The following SLX4 variants were observed in gnomAD, a reference collection of about 807,000 sequenced individuals.
SLX4 encodes the protein SLX4 structure-specific endonuclease subunit.
Under a neutral mutation model 146.2 loss-of-function variants are expected in SLX4, and 112 were observed. The observed-to-expected ratio is 0.77, with a 90% CI of 0.66 to 0.90. SLX4 has a LOEUF of 0.90. Ranked by LOEUF, SLX4 falls within the 40% of genes least tolerant of loss-of-function variation. The pLI is 0.00. For synonymous variants in SLX4, 1,061 were observed against 997.7 expected, an observed-to-expected ratio of 1.06 and a Z score of -1.20; for missense variants, 2,563 against 2,392.7, an observed-to-expected ratio of 1.07 and a Z score of -1.49.
chr16:3,595,919 C>A (rs1336762032), intron 8 of SLX4, among the ~76,000 whole-genome samples: 2 of 152,224 alleles, frequency 1.3e-5, no homozygotes, highest in Non-Finnish European at 2.9e-5. Flanking sequence ...AGGATTCACT[C>A]GCTGTGGGCA....
chr16:3,590,040 C>G lies in SLX4; in HGVS notation c.3598G>C (p.Asp1200His). 1 of 1,614,150 alleles carries G rather than the reference C, an allele frequency of 6.2e-7. No individual in the cohort carries two copies. The highest frequency in any genetic ancestry group is 1.1e-5 in the South Asian group (1 of 91,080). Residue 1200 changes from aspartate to histidine, a missense_variant, in exon 12 of 15, where the codon GAT becomes CAT. Asp to His is a moderately conservative substitution (Grantham distance 81). Coordinates refer to ENST00000294008, the MANE Select transcript of SLX4 (RefSeq NM_032444.4). This position sits in a 1 kb window ranked among gnomAD's most constrained non-coding sequence, Gnocchi z 4.8. ...GGTGGGCTCTGGGAAGGTTCCTGATCTGCATCAACATCAATGATGGAAAAC... is the reference window on the plus strand; with the variant it reads ...GGTGGGCTCTGGGAAGGTTCCTGATGTGCATCAACATCAATGATGGAAAAC... ...ELFSIIDVDA[D>H]QEPSQSPPRS...
Position 3,586,690 on chromosome 16 carries a change from C to T in SLX4, c.4637-1819G>A, listed in dbSNP as rs371341754. Among the ~76,000 whole-genome samples, 65 of 151,820 alleles carry T rather than the reference C, an allele frequency of 4.3e-4. 2 individuals are homozygous for T. The South Asian group carries it at 0.013, about 30-fold the overall frequency. ...TAGCCGGGCATGGCATGGCGATGGG[C>T]GCTTGTAATCCCAGCTACTCGGGAG... On this transcript the variant is annotated intron_variant, in intron 12 of 14. Transcript: ENST00000294008.
At chr16:3,587,052 T>C (rs2151119479) in intron 12 of SLX4, among the ~76,000 whole-genome samples, 1 of 152,244 alleles carries the variant, frequency 6.6e-6, no homozygotes, top group African/African-American at 2.4e-5. Context: ...TGCTCATGGG[T>C]ACAGGATTTT....
rs770736311 is a variant in SLX4, at chr16:3,590,647, C to T, written c.2991G>A (p.Pro997=). 19 of 1,614,056 alleles carry T rather than the reference C, an allele frequency of 1.2e-5. No homozygotes were observed. The African/African-American group carries it at 1.6e-4, about 14-fold the overall frequency. Residue 997 remains proline, a synonymous_variant, in exon 12 of 15, where the codon CCG becomes CCA. Transcript: ENST00000294008. This position sits in a 1 kb window ranked among gnomAD's most constrained non-coding sequence, Gnocchi z 4.8. The stretch of plus-strand genomic sequence containing the variant: ...CCTCGGGCTCACTTGTTATTTGGGA[C>T]GGCTCTGAGATCTCTCCCTGAGTTG... ...FSSTQGEISE[P]SQITSEPEEQ...
At chr16:3,598,227 T>C (rs1477640334) in intron 5 of SLX4, among the ~76,000 whole-genome samples, 1 of 152,240 alleles carries the variant, frequency 6.6e-6, no homozygotes, top group Non-Finnish European at 1.5e-5. Flanking sequence ...CACGTGCTGC[T>C]GTCCAGCAGG....
At position 3,589,656 on chromosome 16, in the gene SLX4, C is replaced by A. The variant is rs1394177026; in HGVS notation, c.3982G>T (p.Val1328Phe). 6.2e-7 allele frequency: 1 copy of A among 1,613,960 alleles called. No homozygotes were observed. The highest frequency in any genetic ancestry group is 8.5e-7 in the Non-Finnish European group (1 of 1,180,018). ...PQTPSSCLTPVSPGTSDGRRQ... is the reference protein window; with the variant it reads ...PQTPSSCLTPFSPGTSDGRRQ... The stretch of plus-strand genomic sequence containing the variant: ...CTGCCGTCAGAAGTTCCTGGAGAGA[C>A]GGGAGTGAGGCATGAGGACGGTGTC... The change falls in exon 12 of 15, where the codon GTC (valine) becomes TTC (phenylalanine). Residue 1328 changes from valine to phenylalanine, a missense_variant. Coordinates refer to ENST00000294008, the MANE Select transcript of SLX4 (RefSeq NM_032444.4). The surrounding 1 kb of genome is among the most constrained non-coding windows in gnomAD (Gnocchi z 6.2).
In SLX4 at chr16:3,589,940, C is replaced by A. The variant is rs761934386; in HGVS notation, c.3698G>T (p.Gly1233Val). 1.2e-6 allele frequency: 2 copies of A among 1,613,786 alleles called. No homozygotes were observed. The highest frequency in any genetic ancestry group is 3.3e-5 in the Admixed American group (2 of 59,990). The change falls in exon 12 of 15, where the codon GGG becomes GTG. Residue 1233 changes from glycine (G) to valine (V), a missense_variant. Coordinates refer to ENST00000294008, the MANE Select transcript of SLX4 (RefSeq NM_032444.4). This position sits in a 1 kb window ranked among gnomAD's most constrained non-coding sequence, Gnocchi z 6.2. ...ACGGTCACAGAACAGCCAGGGAGCC[C>A]CTCTCCTGCCCAAAGAGCCCCGATT... ...PENRGSLGRR[G>V]APWLFCDRES...
rs778515506 is a variant in SLX4, at chr16:3,597,793, A to G, written c.1366+4T>C. ...CCCAGGGTCACTCTTCTGATCACAC[A>G]AACCTGCTTCTGGTCTTATCCTCTC... On this transcript the variant is annotated splice_donor_region_variant and intron_variant, in intron 6 of 14. Coordinates refer to ENST00000294008, the MANE Select transcript of SLX4 (RefSeq NM_032444.4). The surrounding 1 kb of genome is among the most constrained non-coding windows in gnomAD (Gnocchi z 4.4). 8 of 1,614,034 alleles carry G rather than the reference A, an allele frequency of 5.0e-6. No homozygotes were observed. The highest frequency in any genetic ancestry group is 6.8e-6 in the Non-Finnish European group (8 of 1,180,044).
intron 12 of SLX4, among the ~76,000 whole-genome samples, chr16:3,588,684 G>T (rs547908853): frequency 1.0e-3 from 153 of 152,360 alleles, no homozygotes; most frequent in African/African-American, 3.5e-3. Flanking sequence ...CTTGCTGAAT[G>T]AGTTGTGGCC....
In SLX4 at chr16:3,597,280, G is replaced by C. The variant is rs2151130952; in HGVS notation, c.1683+99C>G. On this transcript the variant is annotated intron_variant, in intron 7 of 14. Coordinates refer to ENST00000294008, the MANE Select transcript of SLX4 (RefSeq NM_032444.4). This position sits in a 1 kb window ranked among gnomAD's most constrained non-coding sequence, Gnocchi z 4.4. ...CCTCCCGCCTCTGCCTTTCCTTCCT[G>C]GACTTTCCATCACCTGGCTGTGGGT... 1 of 1,366,662 alleles carries C rather than the reference G, an allele frequency of 7.3e-7. No homozygotes were observed. The highest frequency in any genetic ancestry group is 2.5e-5 in the East Asian group (1 of 39,728). The allele number at this position is 1,366,662 out of a possible 1,614,324, so 84.7% of individuals were successfully genotyped here.
intron 3 of SLX4, among the ~76,000 whole-genome samples, chr16:3,604,551 G>A (rs974208526): frequency 4.6e-5 from 7 of 152,054 alleles, no homozygotes; most frequent in African/African-American, 1.7e-4. Context: ...GGCTAGGCAC[G>A]GTGGCTCACG....
At chr16:3,602,455 T>C (rs1006499513) in intron 3 of SLX4, 148 bp from the exon 4 acceptor site, 13 of 900,148 alleles carry the variant, frequency 1.4e-5, no homozygotes, top group Non-Finnish European at 2.3e-5. Flanking sequence ...GCTGGTGACT[T>C]GGACACTGTC....
chr16:3,583,585 A>C, intron 13 of SLX4, 75 bp from the exon 14 acceptor site: 1 of 1,525,628 alleles, frequency 6.6e-7, no homozygotes, highest in Admixed American at 1.7e-5. Flanking sequence ...ATCTTAGCAA[A>C]GAGTGATACC....
chr16:3,583,588 G>A, intron 13 of SLX4, 78 bp from the exon 14 acceptor site: 1 of 1,511,842 alleles, frequency 6.6e-7, no homozygotes, highest in Non-Finnish European at 9.2e-7. Flanking sequence ...TTAGCAAAGA[G>A]TGATACCCAA....
Position 3,592,860 on chromosome 16 carries a change from G to A in SLX4, c.2166C>T (p.Asn722=), listed in dbSNP as rs767528538. 22 of 1,609,760 alleles carry A rather than the reference G, an allele frequency of 1.4e-5. No homozygotes were observed. The highest frequency in any genetic ancestry group is 1.4e-5 in the Non-Finnish European group (16 of 1,178,320). ...CCTCTACAGCGGAGAAGCCTTCATT[G>A]TTCACCTGCAGGTGAAATGCAACAC... is the stretch of plus-strand genomic sequence containing the variant. The part of the protein sequence containing the change: ...ARCPLLIQYV[N]NEGFSAVEDG... Residue 722 remains asparagine (N), a synonymous_variant, in exon 11 of 15, where the codon AAC becomes AAT. Transcript: ENST00000294008.
intron 14 of SLX4, among the ~76,000 whole-genome samples, 181 bp downstream of exon 14, chr16:3,582,916 C>A (rs969684956): frequency 6.6e-6 from 1 of 152,222 alleles, no homozygotes; most frequent in Admixed American, 6.5e-5. Context: ...ACCAGGAGGC[C>A]TGCGCAGGGC....
Position 3,582,500 on chromosome 16 carries a change from C to T in SLX4, c.5347G>A (p.Ala1783Thr), listed in dbSNP as rs2151115644. 1 of 1,614,048 alleles carries T rather than the reference C, an allele frequency of 6.2e-7. No homozygotes were observed. Among genetic ancestry groups the T allele is most frequent in the East Asian group, 2.2e-5 (1 of 44,894 alleles). The change falls in exon 15 of 15, where the codon GCA (alanine) becomes ACA (threonine). Residue 1783 changes from alanine (A) to threonine (T), a missense_variant. Physicochemically the swap from Ala to Thr is moderately conservative, Grantham distance 58 (BLOSUM62 0). Coordinates refer to ENST00000294008, the MANE Select transcript of SLX4 (RefSeq NM_032444.4). The stretch of plus-strand genomic sequence containing the variant: ...CGGAGGCCGTTCTGCCTCAGCTCTG[C>T]CTGCAGCTCCCGCAGCTCAAAGGGC... ...YQPFELRELQ[A>T]ELRQNGLRVS...
At chr16:3,585,063 G>A (rs187298473) in intron 12 of SLX4, among the ~76,000 whole-genome samples, 192 bp from the exon 13 acceptor site, 183 of 152,234 alleles carry the variant, frequency 1.2e-3, no homozygotes, top group African/African-American at 4.1e-3. Context: ...TCGGTGACAC[G>A]CACTGAGGAC....
At chr16:3,583,041 G>A (rs898554987) in intron 14 of SLX4, 56 bp downstream of exon 14, 12 of 1,603,312 alleles carry the variant, frequency 7.5e-6, no homozygotes, top group Admixed American at 5.0e-5. Context: ...CAACCCTCAC[G>A]CCCACGGGCC....
Sources: allele counts gnomAD v4.1 joint callset (sites outside exome capture counted in the v4.1 genomes callset), GRCh38; gene constraint gnomAD v4.1.1; non-coding constraint Gnocchi (gnomAD v3.1); transcripts MANE v1.5; gene names NCBI Gene and HGNC (gene_info 2026-07-23, HGNC 2026-07-21).